LRRC14: variants seen among roughly 807,000 people sequenced by gnomAD.
LRRC14 encodes leucine-rich repeat-containing protein 14.
LRRC14 carries 16 observed loss-of-function variants against 25.3 expected under a neutral mutation model. The observed-to-expected ratio is 0.63, with a 90% CI of 0.43 to 0.96. LRRC14 has a LOEUF of 0.96. Ranked by LOEUF, LRRC14 falls within the 40% of genes least tolerant of loss-of-function variation. LRRC14 has a pLI of 0.00. For synonymous variants in LRRC14, 359 were observed against 295.1 expected (o/e 1.22, Z -2.22); for missense variants, 594 against 660.5 (o/e 0.90, Z 1.10).
At chr8:144,519,001 C>A (rs750576740) in intron 1 of LRRC14, among the ~76,000 whole-genome samples, 8 of 152,214 alleles carry the variant, frequency 5.3e-5, no homozygotes, top group Non-Finnish European at 7.3e-5. Context: ...TAAGGGCCAA[C>A]AAAGGTGAGG....
At chr8:144,520,886 T>C (rs1349156717) in intron 3 of LRRC14, 25 bp from the exon 4 acceptor site, 1 of 1,599,450 alleles carries the variant, frequency 6.3e-7, no homozygotes, top group Admixed American at 1.7e-5. Flanking sequence ...GCTCTGCCTG[T>C]CTGTGACCCC....
Position 144,522,528 on chromosome 8 carries a change from C to A in LRRC14, c.*1050C>A. The A allele has an allele frequency of 6.6e-7, 1 of 1,517,790 alleles. No homozygotes were observed. The highest frequency in any genetic ancestry group is 8.8e-7 in the Non-Finnish European group (1 of 1,135,386). The allele number at this position is 1,517,790 out of a possible 1,614,324, so 94.0% of individuals were successfully genotyped here. ...GGGGGCACGCGGAGTCCCGGCCCCGCCCCCTGTTCCGGGCCGCAGTCAGCG... is the reference window on the plus strand; with the variant it reads ...GGGGGCACGCGGAGTCCCGGCCCCGACCCCTGTTCCGGGCCGCAGTCAGCG... On this transcript the variant is annotated 3_prime_UTR_variant, in exon 4 of 4. Transcript: ENST00000292524.
Position 144,523,410 on chromosome 8 carries a change from C to T in LRRC14, c.*1932C>T, listed in dbSNP as rs1470480140. 5 of 1,524,494 alleles carry T rather than the reference C, an allele frequency of 3.3e-6. No homozygotes were observed. Among genetic ancestry groups the T allele is most frequent in the Admixed American group, 2.1e-5 (1 of 46,868 alleles). The allele number at this position is 1,524,494 out of a possible 1,614,324, so 94.4% of individuals were successfully genotyped here. Reference sequence around the variant, plus strand: ...GCGCAGTCACAGCGCCATGGGTTCTCTGTGGGAGAGCAGCGTTAGGCAGGT... The same window carrying T: ...GCGCAGTCACAGCGCCATGGGTTCTTTGTGGGAGAGCAGCGTTAGGCAGGT... On this transcript the variant is annotated 3_prime_UTR_variant, in exon 4 of 4. Coordinates refer to ENST00000292524, the MANE Select transcript of LRRC14 (RefSeq NM_014665.4).
Position 144,519,636 on chromosome 8 carries a change from C to T in LRRC14, c.-90C>T. ...TCAGGCACTATGCTGGGCCTTCCTA[C>T]CACTTGTGTGTGGCTTGGTAGTGGC... is the stretch of plus-strand genomic sequence containing the variant. On this transcript the variant is annotated 5_prime_UTR_variant, in exon 2 of 4. Transcript: ENST00000292524. 8.4e-7 allele frequency: 1 copy of T among 1,192,150 alleles called. No individual in the cohort carries two copies. The allele number at this position is 1,192,150 out of a possible 1,614,324, so 73.8% of individuals were successfully genotyped here.
At position 144,523,294 on chromosome 8, in the gene LRRC14, G is replaced by A; in HGVS notation, c.*1816G>A. On this transcript the variant is annotated 3_prime_UTR_variant, in exon 4 of 4. Coordinates refer to ENST00000292524, the MANE Select transcript of LRRC14 (RefSeq NM_014665.4). ...CGTCCAGGAGACTCTGGAGCGCCAGGCGCGGGGGCTCTGCACACATGATCT... is the reference window on the plus strand; with the variant it reads ...CGTCCAGGAGACTCTGGAGCGCCAGACGCGGGGGCTCTGCACACATGATCT... 1 of 1,610,960 alleles carries A rather than the reference G, an allele frequency of 6.2e-7. No individual in the cohort carries two copies. Among genetic ancestry groups the A allele is most frequent in the Non-Finnish European group, 8.5e-7 (1 of 1,179,222 alleles).
Position 144,520,222 on chromosome 8 carries a change from C to G in LRRC14, c.330-16C>G. On this transcript the variant is annotated splice_polypyrimidine_tract_variant and intron_variant, in intron 2 of 3. Coordinates refer to ENST00000292524, the MANE Select transcript of LRRC14 (RefSeq NM_014665.4). ...GCTGCCCCTCCACCCCTTCCTCACA[C>G]CATTCCTACTCCCAGGAAGCATGCG... 6.2e-7 allele frequency: 1 copy of G among 1,602,356 alleles called. No individual in the cohort carries two copies. The highest frequency in any genetic ancestry group is 1.7e-5 in the Admixed American group (1 of 59,852).
chr8:144,525,115 T>C lies in LRRC14; in HGVS notation c.*3637T>C. The C allele has an allele frequency of 2.2e-6, 2 of 918,810 alleles. No homozygotes were observed. The highest frequency in any genetic ancestry group is 5.7e-5 in the South Asian group (2 of 35,026). The allele number at this position is 918,810 out of a possible 1,614,324, so 56.9% of individuals were successfully genotyped here. A position where few individuals can be genotyped will look rare whatever the true frequency, so the allele number is the denominator to read the frequency against. On this transcript the variant is annotated 3_prime_UTR_variant, in exon 4 of 4. Transcript: ENST00000292524. ...ATGGAGGCCTGCACCTGCGTCTAAC[T>C]TTTGACGCTATAAATAGGTTCAAGA...
chr8:144,520,752 C>G lies in LRRC14; in HGVS notation c.844C>G (p.Arg282Gly), dbSNP rs376806766. 13 of 1,598,654 alleles carry G rather than the reference C, an allele frequency of 8.1e-6. No individual in the cohort carries two copies. Among genetic ancestry groups the G allele is most frequent in the Non-Finnish European group, 9.3e-6 (11 of 1,179,932 alleles). ...CCGCTACTTCCTTGCCCAGATGGGC[C>G]GCTTCACCTGTCTGCGTGAGCTCAG... is the stretch of plus-strand genomic sequence containing the variant. ...NFRYFLAQMG[R>G]FTCLRELSMG... Residue 282 changes from arginine to glycine, a missense_variant, in exon 3 of 4, where the codon CGC becomes GGC. Coordinates refer to ENST00000292524, the MANE Select transcript of LRRC14 (RefSeq NM_014665.4).
chr8:144,521,592 C>A lies in LRRC14; in HGVS notation c.*114C>A. On this transcript the variant is annotated 3_prime_UTR_variant, in exon 4 of 4. Coordinates refer to ENST00000292524, the MANE Select transcript of LRRC14 (RefSeq NM_014665.4). Reference sequence around the variant, plus strand: ...AAAAGCACTGGTTACTGGTTTCCTGCTGGGTCTACCTTGCTTCTGGGCACA... The same window carrying A: ...AAAAGCACTGGTTACTGGTTTCCTGATGGGTCTACCTTGCTTCTGGGCACA... 1 of 1,103,732 alleles carries A rather than the reference C, an allele frequency of 9.1e-7. No individual in the cohort carries two copies. The highest frequency in any genetic ancestry group is 1.3e-6 in the Non-Finnish European group (1 of 792,906). The allele number at this position is 1,103,732 out of a possible 1,614,324, so 68.4% of individuals were successfully genotyped here. A position where few individuals can be genotyped will look rare whatever the true frequency, so the allele number is the denominator to read the frequency against.
Position 144,524,375 on chromosome 8 carries a change from A to G in LRRC14, c.*2897A>G, listed in dbSNP as rs1214722481. ...CTAGACTGGGTTGCCTTTTCTAACT[A>G]TTCCAGCCCTACAGGGCGAGGGGCC... On this transcript the variant is annotated 3_prime_UTR_variant, in exon 4 of 4. Coordinates refer to ENST00000292524, the MANE Select transcript of LRRC14 (RefSeq NM_014665.4). 11 of 1,594,042 alleles carry G rather than the reference A, an allele frequency of 6.9e-6. No homozygotes were observed. Among genetic ancestry groups the G allele is most frequent in the African/African-American group, 2.7e-5 (2 of 74,692 alleles).
chr8:144,522,217 G>A lies in LRRC14; in HGVS notation c.*739G>A. On this transcript the variant is annotated 3_prime_UTR_variant, in exon 4 of 4. Transcript: ENST00000292524. ...GAGGCCCAAGATCCTACTGTGGCCG[G>A]CCAGGGCCAGCGAGGGACCCCCCCC... 2.3e-6 allele frequency: 1 copy of A among 439,268 alleles called. No homozygotes were observed. The allele number at this position is 439,268 out of a possible 1,614,324, so 27.2% of individuals were successfully genotyped here.
chr8:144,524,247 C>T lies in LRRC14; in HGVS notation c.*2769C>T, dbSNP rs1816257028. The T allele has an allele frequency of 1.2e-6, 2 of 1,612,576 alleles. No homozygotes were observed. The highest frequency in any genetic ancestry group is 1.3e-5 in the African/African-American group (1 of 75,054). On this transcript the variant is annotated 3_prime_UTR_variant, in exon 4 of 4. Transcript: ENST00000292524. ...AGCCTGGTCCTCCAGCAGCTCAATG[C>T]TGTTTTCTTGCAGGTGAAGCTCCTG...
In LRRC14 at chr8:144,520,670, G is replaced by A; in HGVS notation, c.762G>A (p.Arg254=). The change falls in exon 3 of 4, where the codon CGG becomes CGA. Residue 254 remains arginine (R), a synonymous_variant. Coordinates refer to ENST00000292524, the MANE Select transcript of LRRC14 (RefSeq NM_014665.4). ...VARFQHLASL[R]LHYVHGDSRQ... is the part of the protein sequence containing the mutation. ...GCTTCCAGCACCTGGCCAGCCTGCG[G>A]CTCCACTATGTGCATGGGGATTCAA... 4 of 1,601,262 alleles carry A rather than the reference G, an allele frequency of 2.5e-6. No homozygotes were observed. The highest frequency in any genetic ancestry group is 2.5e-6 in the Non-Finnish European group (3 of 1,179,960).
At position 144,522,164 on chromosome 8, in the gene LRRC14, G is replaced by A. The variant is rs1249788257; in HGVS notation, c.*686G>A. On this transcript the variant is annotated 3_prime_UTR_variant, in exon 4 of 4. Coordinates refer to ENST00000292524, the MANE Select transcript of LRRC14 (RefSeq NM_014665.4). ...GCGGGGCAGCCCCGTCGGCACTGCC[G>A]GCCAGTCCTTGCTCTTCCCACCTTT... 2 of 348,178 alleles carry A rather than the reference G, an allele frequency of 5.7e-6. No homozygotes were observed. Among genetic ancestry groups the A allele is most frequent in the Non-Finnish European group, 1.0e-5 (2 of 193,804 alleles). The allele number at this position is 348,178 out of a possible 1,614,324, so 21.6% of individuals were successfully genotyped here.
At position 144,520,461 on chromosome 8, in the gene LRRC14, C is replaced by T; in HGVS notation, c.553C>T (p.Leu185Phe). The change falls in exon 3 of 4, where the codon CTC (leucine) becomes TTC (phenylalanine). Residue 185 changes from leucine (L) to phenylalanine (F), a missense_variant. Transcript: ENST00000292524. ...RASYAFLREALRSSVGSPLRL... is the reference protein window; with the variant it reads ...RASYAFLREAFRSSVGSPLRL... Reference sequence around the variant, plus strand: ...CTCCTATGCGTTCCTGCGGGAGGCACTCCGAAGCAGCGTGGGCAGCCCGCT... The same window carrying T: ...CTCCTATGCGTTCCTGCGGGAGGCATTCCGAAGCAGCGTGGGCAGCCCGCT... 1 of 1,597,394 alleles carries T rather than the reference C, an allele frequency of 6.3e-7. No individual in the cohort carries two copies. Among genetic ancestry groups the T allele is most frequent in the South Asian group, 1.1e-5 (1 of 90,872 alleles).
At position 144,523,296 on chromosome 8, in the gene LRRC14, G is replaced by A; in HGVS notation, c.*1818G>A. ...TCCAGGAGACTCTGGAGCGCCAGGCGCGGGGGCTCTGCACACATGATCTTC... is the reference window on the plus strand; with the variant it reads ...TCCAGGAGACTCTGGAGCGCCAGGCACGGGGGCTCTGCACACATGATCTTC... On this transcript the variant is annotated 3_prime_UTR_variant, in exon 4 of 4. Coordinates refer to ENST00000292524, the MANE Select transcript of LRRC14 (RefSeq NM_014665.4). The A allele has an allele frequency of 6.2e-7, 1 of 1,610,882 alleles. No homozygotes were observed.
Position 144,520,460 on chromosome 8 carries a change from A to C in LRRC14, c.552A>C (p.Ala184=), listed in dbSNP as rs1564818949. 1 of 1,596,530 alleles carries C rather than the reference A, an allele frequency of 6.3e-7. No individual in the cohort carries two copies. The highest frequency in any genetic ancestry group is 8.5e-7 in the Non-Finnish European group (1 of 1,175,400). Residue 184 remains alanine (A), a synonymous_variant, in exon 3 of 4, where the codon GCA becomes GCC. Coordinates refer to ENST00000292524, the MANE Select transcript of LRRC14 (RefSeq NM_014665.4). ...CCTCCTATGCGTTCCTGCGGGAGGC[A>C]CTCCGAAGCAGCGTGGGCAGCCCGC... ...NRASYAFLRE[A]LRSSVGSPLR...
chr8:144,523,866 C>T lies in LRRC14; in HGVS notation c.*2388C>T. ...TGCCTCCCCTCAGCCTAAAAGTGTG[C>T]AGAACCCTCAATTCTGTTAAGTCAC... is the stretch of plus-strand genomic sequence containing the variant. On this transcript the variant is annotated 3_prime_UTR_variant, in exon 4 of 4. Coordinates refer to ENST00000292524, the MANE Select transcript of LRRC14 (RefSeq NM_014665.4). The T allele has an allele frequency of 3.6e-6, 2 of 548,594 alleles. No homozygotes were observed. Among genetic ancestry groups the T allele is most frequent in the Admixed American group, 3.4e-5 (1 of 29,734 alleles). The allele number at this position is 548,594 out of a possible 1,614,324, so 34.0% of individuals were successfully genotyped here. A position where few individuals can be genotyped will look rare whatever the true frequency, so the allele number is the denominator to read the frequency against.
In LRRC14 at chr8:144,521,660, C is replaced by T; in HGVS notation, c.*182C>T. On this transcript the variant is annotated 3_prime_UTR_variant, in exon 4 of 4. Transcript: ENST00000292524. ...TTTCTGCAGTGCCCCACGCGGTTTT[C>T]CCTGCACTTGCTCCATAATTGGCTG... 1.6e-6 allele frequency: 1 copy of T among 629,140 alleles called. No homozygotes were observed. The highest frequency in any genetic ancestry group is 2.0e-5 in the South Asian group (1 of 49,436). 39.0% of individuals were successfully genotyped at this position (629,140 alleles called of 1,614,324 possible). A position where few individuals can be genotyped will look rare whatever the true frequency, so the allele number is the denominator to read the frequency against.
Sources: allele counts gnomAD v4.1 joint callset (sites outside exome capture counted in the v4.1 genomes callset), GRCh38; gene constraint gnomAD v4.1.1; transcripts MANE v1.5; gene names NCBI Gene and HGNC (gene_info 2026-07-23, HGNC 2026-07-21).